The following AKAP6 variants were observed in gnomAD, a reference collection of about 807,000 sequenced individuals.
The protein encoded by AKAP6 is A-kinase anchor protein 6.
In AKAP6, 58 loss-of-function variants were observed where a neutral mutation model predicts 188.5. That is an observed-to-expected ratio of 0.31 (90% confidence interval 0.25 to 0.38). The LOEUF is 0.38. Ranked by LOEUF, AKAP6 falls within the 10% of genes least tolerant of loss-of-function variation. The pLI is 1.00. For missense variants in AKAP6, 2,710 were observed against 2,740.0 expected, an observed-to-expected ratio of 0.99 and a Z score of 0.24; for synonymous variants, 989 against 998.6, an observed-to-expected ratio of 0.99 and a Z score of 0.18.
intron 2 of AKAP6, among the ~76,000 whole-genome samples, chr14:32,466,359 T>G (rs1202008192): frequency 1.3e-5 from 2 of 152,090 alleles, no homozygotes; most frequent in Non-Finnish European, 2.9e-5. Flanking sequence ...GGATAAAGAA[T>G]ATGTGGCACA....
intron 12 of AKAP6, among the ~76,000 whole-genome samples, chr14:32,808,710 C>G (rs1305222783): frequency 1.3e-5 from 2 of 152,098 alleles, no homozygotes; most frequent in African/African-American, 2.4e-5. Flanking sequence ...AGCACTCATA[C>G]AGTAGCAGTG....
chr14:32,607,595 T>G (rs1886176433), intron 7 of AKAP6, among the ~76,000 whole-genome samples: 1 of 152,210 alleles, frequency 6.6e-6, no homozygotes, highest in Admixed American at 6.5e-5. Context: ...TTAGTGGTCT[T>G]ATCATTTCAG....
In AKAP6 at chr14:32,441,553, G is replaced by C. The variant is rs572938650; in HGVS notation, c.324+7736G>C. ...GATTGATGTATTTTCATCATGATTT[G>C]GGGAGATGATATAAGCCTCAGACCT... On this transcript the variant is annotated intron_variant, in intron 2 of 13. Transcript: ENST00000280979. 3.9e-5 allele frequency among the ~76,000 whole-genome samples: 6 copies of C among 152,210 alleles called. No homozygotes were observed. In the South Asian group the frequency reaches 1.0e-3, roughly 26 times the overall value.
chr14:32,422,949 T>A (rs1422147686), intron 1 of AKAP6, among the ~76,000 whole-genome samples: 1 of 152,214 alleles, frequency 6.6e-6, no homozygotes, highest in Non-Finnish European at 1.5e-5. Flanking sequence ...TACTGCTGTC[T>A]TAAGATTTAG....
rs777205056 is a variant in AKAP6 at position 32,824,111 on chromosome 14, C to A, written c.6298C>A (p.Arg2100=). The A allele has an allele frequency of 1.3e-5, 21 of 1,613,916 alleles. 1 individual carries two copies. The highest frequency in any genetic ancestry group is 1.6e-4 in the Middle Eastern group (1 of 6,062). The change falls in exon 13 of 14, where the codon CGG becomes AGG. Residue 2100 remains arginine (R), a synonymous_variant. Coordinates refer to ENST00000280979, the MANE Select transcript of AKAP6 (RefSeq NM_004274.5). ...GGAGAAAGTGTTGGAGCATTCTCACCGGCCCATCCAGCTGAGAAAAGGGGA... is the reference window on the plus strand; with the variant it reads ...GGAGAAAGTGTTGGAGCATTCTCACAGGCCCATCCAGCTGAGAAAAGGGGA... ...IKEKVLEHSH[R]PIQLRKGDFY... is the part of the protein sequence containing the mutation.
chr14:32,744,339 T>C (rs1204982010), intron 11 of AKAP6, among the ~76,000 whole-genome samples: 2 of 151,986 alleles, frequency 1.3e-5, no homozygotes, highest in Non-Finnish European at 2.9e-5. Flanking sequence ...ATTTTTGAGA[T>C]GGAGTCTCGC....
intron 3 of AKAP6, among the ~76,000 whole-genome samples, chr14:32,542,928 CAT>C (rs1462287086): frequency 6.6e-6 from 1 of 152,140 alleles, no homozygotes; most frequent in Non-Finnish European, 1.5e-5. Context: ...TTAATTGACA[CAT>C]GACTGCACAT....
intron 7 of AKAP6, among the ~76,000 whole-genome samples, chr14:32,651,246 T>C (rs1888210034): frequency 6.6e-6 from 1 of 152,124 alleles, no homozygotes; most frequent in African/African-American, 2.4e-5. Context: ...CCCACTACTT[T>C]CTAGTTTTTA....
chr14:32,794,523 G>A (rs2033705309), intron 12 of AKAP6, among the ~76,000 whole-genome samples: 1 of 152,172 alleles, frequency 6.6e-6, no homozygotes, highest in African/African-American at 2.4e-5. Context: ...TTGCATCACT[G>A]CATTCCAGCC....
chr14:32,826,328 T>C (rs1211078561), intron 13 of AKAP6, among the ~76,000 whole-genome samples: 7 of 152,238 alleles, frequency 4.6e-5, no homozygotes, highest in African/African-American at 1.7e-4. Flanking sequence ...GAGAGAAATG[T>C]ATTTTCTGTG....
At chr14:32,768,754 C>T (rs2032794361) in intron 11 of AKAP6, among the ~76,000 whole-genome samples, 1 of 152,128 alleles carries the variant, frequency 6.6e-6, no homozygotes, top group African/African-American at 2.4e-5. Context: ...CTAGTGTTCT[C>T]AAACTTTAGC....
At chr14:32,597,103 T>A (rs1885736114) in intron 5 of AKAP6, among the ~76,000 whole-genome samples, 1 of 152,196 alleles carries the variant, frequency 6.6e-6, no homozygotes, top group South Asian at 2.1e-4. Flanking sequence ...TTTTCCAATT[T>A]CCTAATCAAA....
chr14:32,475,680 T>TTC (rs1425941335), intron 2 of AKAP6, among the ~76,000 whole-genome samples: 1 of 45,434 alleles, frequency 2.2e-5, no homozygotes, highest in East Asian at 5.0e-4. Context: ...TTTCAGCTCT[T>TTC]TTTTTTTTTT....
chr14:32,828,563 ACACACACACT>A (rs1213452219), intron 13 of AKAP6, among the ~76,000 whole-genome samples: 4 of 137,964 alleles, frequency 2.9e-5, no homozygotes, highest in East Asian at 4.5e-4. Flanking sequence ...ACACACACAC[ACACACACACT>A]CTCACACCCC....
Position 32,483,009 on chromosome 14 carries a change from A to ATGTGTGTGTGTGTG in AKAP6, c.324+49193_324+49194insGTGTGTGTGTGTGT, listed in dbSNP as rs1464491636. Among the ~76,000 whole-genome samples the ATGTGTGTGTGTGTG allele has an allele frequency of 5.6e-3, 845 of 150,270 alleles. 1 individual carries two copies. Among genetic ancestry groups the ATGTGTGTGTGTGTG allele is most frequent in the Admixed American group, 0.012 (178 of 15,070 alleles). On this transcript the variant is annotated intron_variant, in intron 2 of 13. Transcript: ENST00000280979. The stretch of plus-strand genomic sequence containing the variant: ...TGTGTGTATATATATATATATATAT[A>ATGTGTGTGTGTGTG]TATGTATCTTGCATTGGTAATTTTG...
chr14:32,609,879 T>TCACACA (rs1566602928), intron 7 of AKAP6, among the ~76,000 whole-genome samples: 1 of 84,692 alleles, frequency 1.2e-5, no homozygotes, highest in East Asian at 2.6e-4. Flanking sequence ...TCTCTCTCTC[T>TCACACA]GACACACACA....
intron 2 of AKAP6, among the ~76,000 whole-genome samples, chr14:32,460,708 C>T (rs976086710): frequency 1.3e-5 from 2 of 152,198 alleles, no homozygotes; most frequent in South Asian, 4.1e-4. Flanking sequence ...CCTGGAATGC[C>T]TGAGAGACAG....
At chr14:32,519,743 AAT>A (rs761698332) in intron 2 of AKAP6, among the ~76,000 whole-genome samples, 1 of 152,174 alleles carries the variant, frequency 6.6e-6, no homozygotes, top group Non-Finnish European at 1.5e-5. Context: ...ACATAATAAT[AAT>A]GGGAGACTTT....
intron 1 of AKAP6, among the ~76,000 whole-genome samples, chr14:32,368,572 GA>G (rs1313090865): frequency 1.3e-5 from 2 of 152,104 alleles, no homozygotes; most frequent in Non-Finnish European, 2.9e-5. Context: ...ACTAGAGGTA[GA>G]GGTGGGGGAA....
Sources: allele counts gnomAD v4.1 joint callset (sites outside exome capture counted in the v4.1 genomes callset), GRCh38; gene constraint gnomAD v4.1.1; transcripts MANE v1.5; gene names NCBI Gene and HGNC (gene_info 2026-07-23, HGNC 2026-07-21).